Variants in DAB2IP observed in about 807,000 individuals in gnomAD.
DAB2IP encodes the protein disabled homolog 2-interacting protein.
In DAB2IP, 28 loss-of-function variants were observed where a neutral mutation model predicts 107.2. That is an observed-to-expected ratio of 0.26 (90% confidence interval 0.19 to 0.36). The LOEUF (loss-of-function observed/expected upper bound fraction) is 0.36. Among genes scored for constraint, DAB2IP ranks in the 10% least tolerant of loss-of-function variants. The pLI, the probability that DAB2IP is intolerant of heterozygous loss-of-function variation, is 1.00. For synonymous variants in DAB2IP, 755 were observed against 706.4 expected (o/e 1.07, Z -1.09); for missense variants, 1,400 against 1,644.7 (o/e 0.85, Z 2.57).
intron 1 of DAB2IP, among the ~76,000 whole-genome samples, chr9:121,606,815 C>G (rs1165212550): frequency 6.6e-6 from 1 of 151,250 alleles, no homozygotes; most frequent in Non-Finnish European, 1.5e-5. Context: ...CGCTCTGTTG[C>G]CCAGGCTGGA....
At chr9:121,572,137 G>C (rs763204352) in intron 1 of DAB2IP, among the ~76,000 whole-genome samples, 14 of 152,152 alleles carry the variant, frequency 9.2e-5, no homozygotes, top group Non-Finnish European at 1.9e-4. Context: ...AAGAGAAAAA[G>C]TCCTGCCCTG....
intron 3 of DAB2IP, among the ~76,000 whole-genome samples, chr9:121,733,557 G>A (rs762469785): frequency 2.0e-5 from 3 of 152,210 alleles, no homozygotes; most frequent in Non-Finnish European, 2.9e-5. Flanking sequence ...CATCACTCAC[G>A]TATGGAATCC....
intron 1 of DAB2IP, among the ~76,000 whole-genome samples, chr9:121,572,395 GATGAATGAATGAATGA>G (rs141995347): frequency 1.3e-5 from 2 of 151,462 alleles, no homozygotes; most frequent in African/African-American, 2.4e-5. Context: ...ATACTCAGTG[GATGAATGAATGAATGA>G]ATGAATGAAT....
At chr9:121,672,278 T>A (rs866877332) in intron 1 of DAB2IP, among the ~76,000 whole-genome samples, 1 of 152,212 alleles carries the variant, frequency 6.6e-6, no homozygotes, top group Admixed American at 6.5e-5. Context: ...TGCTGACTTC[T>A]TTTCTCCTGA....
At chr9:121,615,018 G>C (rs573101948) in intron 1 of DAB2IP, among the ~76,000 whole-genome samples, 1 of 152,132 alleles carries the variant, frequency 6.6e-6, no homozygotes, top group Non-Finnish European at 1.5e-5. Flanking sequence ...ACAGGTGTGA[G>C]CCACCGTGCT....
intron 3 of DAB2IP, among the ~76,000 whole-genome samples, chr9:121,749,118 G>A (rs567639435): frequency 2.0e-5 from 3 of 152,298 alleles, no homozygotes; most frequent in Non-Finnish European, 4.4e-5. Flanking sequence ...GCCACCAGGC[G>A]GCTGCATTCC....
Position 121,699,339 on chromosome 9 carries a change from C to G in DAB2IP, c.243C>G (p.Arg81=). The change falls in exon 3 of 16, where the codon CGC becomes CGG. Residue 81 remains arginine (R), a synonymous_variant. Transcript: ENST00000408936. This position sits in a 1 kb window ranked among gnomAD's most constrained non-coding sequence, Gnocchi z 6.2. Reference sequence around the variant, plus strand: ...CCCGTGCGCAGGGCTTCCTCAGCCGCCGCCTCAAGGGCTCCATCAAGCGCA... The same window carrying G: ...CCCGTGCGCAGGGCTTCCTCAGCCGGCGCCTCAAGGGCTCCATCAAGCGCA... The G allele has an allele frequency of 6.8e-7, 1 of 1,468,416 alleles. No individual in the cohort carries two copies. Among genetic ancestry groups the G allele is most frequent in the Non-Finnish European group, 9.1e-7 (1 of 1,098,580 alleles). The allele number at this position is 1,468,416 out of a possible 1,614,324, so 91.0% of individuals were successfully genotyped here. A position where few individuals can be genotyped will look rare whatever the true frequency, so the allele number is the denominator to read the frequency against.
intron 1 of DAB2IP, among the ~76,000 whole-genome samples, chr9:121,642,013 C>T (rs185129504): frequency 0.013 from 346 of 27,300 alleles, 7 homozygotes; most frequent in African/African-American, 0.063. Context: ...CTCTCTCTCT[C>T]TCTCTCTCTC....
At chr9:121,660,793 T>C (rs1833167970) in intron 1 of DAB2IP, among the ~76,000 whole-genome samples, 1 of 152,218 alleles carries the variant, frequency 6.6e-6, no homozygotes, top group Non-Finnish European at 1.5e-5. Flanking sequence ...TACATAAATG[T>C]CTAGTATGCA....
chr9:121,726,660 C>T (rs536011274), intron 3 of DAB2IP, among the ~76,000 whole-genome samples: 93 of 152,138 alleles, frequency 6.1e-4, no homozygotes, highest in Non-Finnish European at 1.1e-3. Flanking sequence ...TGTCTGCTGC[C>T]CAACTAATCG....
intron 1 of DAB2IP, among the ~76,000 whole-genome samples, chr9:121,611,234 AAAGTGTTGGGATT>A (rs1831084849): frequency 6.6e-6 from 1 of 152,160 alleles, no homozygotes; most frequent in Non-Finnish European, 1.5e-5. Context: ...TCAGCCTCCC[AAAGTGTTGGGATT>A]ACAGGCATGA....
chr9:121,620,780 C>G (rs71509569), intron 1 of DAB2IP, among the ~76,000 whole-genome samples: 5 of 152,284 alleles, frequency 3.3e-5, no homozygotes, highest in African/African-American at 1.2e-4. Context: ...CCCGGGTACC[C>G]TCCTCACCTA....
At chr9:121,757,268 C>G in intron 4 of DAB2IP, 102 bp downstream of exon 4, 2 of 1,441,178 alleles carry the variant, frequency 1.4e-6, no homozygotes, top group South Asian at 2.8e-5. Flanking sequence ...GTGGCCTCAG[C>G]AGGGGCCAGG....
At chr9:121,742,103 C>T (rs1360911601) in intron 3 of DAB2IP, among the ~76,000 whole-genome samples, 1 of 152,122 alleles carries the variant, frequency 6.6e-6, no homozygotes, top group East Asian at 1.9e-4. Flanking sequence ...GACCTGAAGA[C>T]GCCTCCTGGC....
At chr9:121,729,870 T>A (rs1206688552) in intron 3 of DAB2IP, among the ~76,000 whole-genome samples, 3 of 152,352 alleles carry the variant, frequency 2.0e-5, no homozygotes, top group Non-Finnish European at 4.4e-5. Flanking sequence ...CCTATATTCC[T>A]ATAGGGCAAA....
At position 121,782,046 on chromosome 9, in the gene DAB2IP, G is replaced by A. The variant is rs908035072; in HGVS notation, c.3403-285G>A. Among the ~76,000 whole-genome samples, 2 of 152,184 alleles carry A rather than the reference G, an allele frequency of 1.3e-5. No individual in the cohort carries two copies. The highest frequency in any genetic ancestry group is 4.8e-5 in the African/African-American group (2 of 41,434). On this transcript the variant is annotated intron_variant, in intron 15 of 15. Coordinates refer to ENST00000408936, the Ensembl canonical transcript of DAB2IP. This position sits in a 1 kb window ranked among gnomAD's most constrained non-coding sequence, Gnocchi z 6.1. The stretch of plus-strand genomic sequence containing the variant: ...CACAGACCAGGAGCTGTGACCTCTG[G>A]TGTGTCATGCACACACATGTGAGCA...
chr9:121,648,839 AT>A (rs1832634473), upstream of DAB2IP, among the ~76,000 whole-genome samples: 1 of 152,058 alleles, frequency 6.6e-6, no homozygotes, highest in African/African-American at 2.4e-5. Flanking sequence ...GGAAAGTCCG[AT>A]CTGTTGGTCT....
rs532611145 is a variant in DAB2IP at position 121,666,652 on chromosome 9, G to A, written c.125-12026G>A. On this transcript the variant is annotated intron_variant, in intron 1 of 15. Coordinates refer to ENST00000408936, the Ensembl canonical transcript of DAB2IP. The stretch of plus-strand genomic sequence containing the variant: ...GAGGACAAATACCTAATGCATGTGG[G>A]GCTTAAAACCTAGACGACAGGTTGA... Among the ~76,000 whole-genome samples, 4 of 152,118 alleles carry A rather than the reference G, an allele frequency of 2.6e-5. No homozygotes were observed. The South Asian group carries it at 6.2e-4, about 24-fold the overall frequency.
At chr9:121,693,990 C>T (rs1829291502) in intron 2 of DAB2IP, among the ~76,000 whole-genome samples, 1 of 152,126 alleles carries the variant, frequency 6.6e-6, no homozygotes, top group African/African-American at 2.4e-5. Context: ...GGGAGTGTGG[C>T]ACAGACAAGG....
Sources: allele counts gnomAD v4.1 joint callset (sites outside exome capture counted in the v4.1 genomes callset), GRCh38; gene constraint gnomAD v4.1.1; non-coding constraint Gnocchi (gnomAD v3.1); transcripts MANE v1.5; gene names NCBI Gene and HGNC (gene_info 2026-07-23, HGNC 2026-07-21).